The following ARMH3 variants were observed in gnomAD, a reference collection of about 807,000 sequenced individuals.
The protein encoded by ARMH3 is armadillo like helical domain containing 3, also known as armadillo-like helical domain-containing protein 3.
A neutral mutation model predicts 99.1 loss-of-function variants in ARMH3; 60 were observed. The observed-to-expected ratio is 0.61, with a 90% CI of 0.49 to 0.75. The LOEUF (loss-of-function observed/expected upper bound fraction) is 0.75. ARMH3 is among the 30% of genes least tolerant of loss of function. ARMH3 has a pLI of 0.00. For synonymous variants in ARMH3, 285 were observed against 292.8 expected (o/e 0.97, Z 0.27); for missense variants, 679 against 843.1 (o/e 0.81, Z 2.41).
intron 15 of ARMH3, among the ~76,000 whole-genome samples, chr10:101,998,192 C>T (rs1473387237): frequency 6.6e-6 from 1 of 152,168 alleles, no homozygotes; most frequent in Admixed American, 6.5e-5. Flanking sequence ...GTGTTATATC[C>T]GGCAAAGCTA....
At chr10:102,022,351 G>A (rs1370888320) in intron 8 of ARMH3, among the ~76,000 whole-genome samples, 1 of 151,266 alleles carries the variant, frequency 6.6e-6, no homozygotes. Flanking sequence ...AATTAGCCGG[G>A]CGTGGTGGTG....
chr10:102,012,754 C>T (rs1303815771), intron 10 of ARMH3, 79 bp downstream of exon 10: 2 of 1,390,720 alleles, frequency 1.4e-6, no homozygotes, highest in African/African-American at 1.4e-5. Flanking sequence ...GGGAATTTGA[C>T]CCAAGAACTC....
intron 16 of ARMH3, among the ~76,000 whole-genome samples, 185 bp downstream of exon 16, chr10:101,995,112 T>C (rs1846994569): frequency 6.6e-6 from 1 of 152,270 alleles, no homozygotes; most frequent in African/African-American, 2.4e-5. Context: ...CAAGACCCTG[T>C]CTATCCATGG....
At chr10:102,034,480 C>CA (rs1296083002) in intron 2 of ARMH3, among the ~76,000 whole-genome samples, 2 of 151,720 alleles carry the variant, frequency 1.3e-5, no homozygotes, top group African/African-American at 4.8e-5. Context: ...ACTAAAAATA[C>CA]AAAAAATTAG....
At chr10:101,949,723 GA>G (rs1332666782) in intron 22 of ARMH3, among the ~76,000 whole-genome samples, 2 of 152,110 alleles carry the variant, frequency 1.3e-5, no homozygotes, top group Non-Finnish European at 2.9e-5. Flanking sequence ...TTCATATTAT[GA>G]GGCCAAAATT....
chr10:101,968,304 C>A (rs1369426388), intron 20 of ARMH3, among the ~76,000 whole-genome samples: 3 of 152,020 alleles, frequency 2.0e-5, no homozygotes, highest in African/African-American at 7.3e-5. Context: ...GGAGTGATAG[C>A]CAAAATCACC....
At chr10:102,018,575 T>C (rs1190119809) in intron 8 of ARMH3, among the ~76,000 whole-genome samples, 1 of 152,168 alleles carries the variant, frequency 6.6e-6, no homozygotes, top group Non-Finnish European at 1.5e-5. Flanking sequence ...CATTATAACA[T>C]AGTGCAACGC....
intron 1 of ARMH3, among the ~76,000 whole-genome samples, chr10:102,050,728 A>G (rs1215000861): frequency 6.6e-6 from 1 of 151,428 alleles, no homozygotes; most frequent in Non-Finnish European, 1.5e-5. Context: ...GTGGTGGCAC[A>G]TGCCTGTAGT....
intron 22 of ARMH3, among the ~76,000 whole-genome samples, chr10:101,946,151 T>G (rs1428952741): frequency 9.1e-6 from 1 of 109,946 alleles, no homozygotes; most frequent in Non-Finnish European, 1.9e-5. Context: ...GAATATATAA[T>G]AAAACAAAAA....
intron 23 of ARMH3, among the ~76,000 whole-genome samples, chr10:101,893,671 A>T (rs1359339580): frequency 6.6e-6 from 1 of 151,114 alleles, no homozygotes; most frequent in Admixed American, 6.6e-5. Flanking sequence ...ATAAGACAGG[A>T]AAAAAAAAGA....
chr10:101,994,193 T>G lies in ARMH3; in HGVS notation c.1210-590A>C, dbSNP rs371573325. 1.4e-4 allele frequency among the ~76,000 whole-genome samples: 21 copies of G among 152,354 alleles called. No individual in the cohort carries two copies. In the East Asian group the frequency reaches 3.5e-3, roughly 25 times the overall value. ...TCCCTTGGCCCTTTCCCAATACCTTTTCTGAAGATCTGACAAGCCTACAGA... is the reference window on the plus strand; with the variant it reads ...TCCCTTGGCCCTTTCCCAATACCTTGTCTGAAGATCTGACAAGCCTACAGA... On this transcript the variant is annotated intron_variant, in intron 16 of 25. Transcript: ENST00000370033.
rs544244537 is a variant in ARMH3 at position 102,008,812 on chromosome 10, A to T, written c.954+562T>A. On this transcript the variant is annotated intron_variant, in intron 13 of 25. Coordinates refer to ENST00000370033, the MANE Select transcript of ARMH3 (RefSeq NM_024541.3). ...GATCTCCTGACCTTGTGATCCGCCC[A>T]CCTCAGCCTCCCAAAGTGCTGGGAT... Among the ~76,000 whole-genome samples the T allele has an allele frequency of 2.4e-4, 37 of 151,586 alleles. 1 individual carries two copies. In the South Asian group the frequency reaches 7.7e-3, roughly 32 times the overall value.
chr10:101,887,288 G>T (rs2067570798), intron 24 of ARMH3, among the ~76,000 whole-genome samples: 1 of 152,004 alleles, frequency 6.6e-6, no homozygotes. Context: ...ATTAAAAGAG[G>T]TAATGAGTAC....
intron 4 of ARMH3, among the ~76,000 whole-genome samples, chr10:102,032,112 G>C (rs1345355376): frequency 6.6e-6 from 1 of 152,144 alleles, no homozygotes. Flanking sequence ...AAACTTACTA[G>C]ACTAAATTTT....
Position 102,009,453 on chromosome 10 carries a change from A to G in ARMH3, c.879-4T>C. 6.2e-7 allele frequency: 1 copy of G among 1,612,830 alleles called. No individual in the cohort carries two copies. ...CAGAAGAATGGCCTCATTGGTTCTA[A>G]AGAAAAAGAGAACAAATTGGAGCAG... On this transcript the variant is annotated splice_polypyrimidine_tract_variant and splice_region_variant and intron_variant, in intron 12 of 25. Coordinates refer to ENST00000370033, the MANE Select transcript of ARMH3 (RefSeq NM_024541.3).
intron 20 of ARMH3, among the ~76,000 whole-genome samples, chr10:101,971,784 GA>G (rs1564807520): frequency 6.6e-6 from 1 of 152,084 alleles, no homozygotes; most frequent in Non-Finnish European, 1.5e-5. Context: ...CAAAAGTAAA[GA>G]ACTATTTCAG....
rs550297995 is a variant in ARMH3, at chr10:102,046,495, A to C, written c.-11-6370T>G. On this transcript the variant is annotated intron_variant, in intron 1 of 25. Transcript: ENST00000370033. ...TGGAGAAACCCCATCTCTACTAAAA[A>C]TACAAAATTAGCCGGGCATGGTAGC... Among the ~76,000 whole-genome samples, 36 of 152,116 alleles carry C rather than the reference A, an allele frequency of 2.4e-4. No individual in the cohort carries two copies. The East Asian group carries it at 6.2e-3, about 26-fold the overall frequency.
At chr10:101,848,733 G>C (rs1252601092) in intron 25 of ARMH3, among the ~76,000 whole-genome samples, 2 of 152,116 alleles carry the variant, frequency 1.3e-5, no homozygotes, top group East Asian at 3.9e-4. Flanking sequence ...GTGTCTCAGA[G>C]CCTCGAGACA....
At chr10:101,989,661 C>T (rs530623096) in intron 19 of ARMH3, among the ~76,000 whole-genome samples, 10 of 152,290 alleles carry the variant, frequency 6.6e-5, no homozygotes, top group Admixed American at 3.3e-4. Flanking sequence ...GCAGAGGTTG[C>T]AGTGAGCCGA....
Sources: allele counts gnomAD v4.1 joint callset (sites outside exome capture counted in the v4.1 genomes callset), GRCh38; gene constraint gnomAD v4.1.1; transcripts MANE v1.5; gene names NCBI Gene and HGNC (gene_info 2026-07-23, HGNC 2026-07-21).